The following ASIC2 variants were observed in gnomAD, a reference collection of about 807,000 sequenced individuals.
The protein encoded by ASIC2 is acid sensing ion channel subunit 2.
A neutral mutation model predicts 57.3 loss-of-function variants in ASIC2; 25 were observed. That is an observed-to-expected ratio of 0.44 (90% CI 0.32 to 0.61). The LOEUF is 0.61. ASIC2 is among the 20% of genes least tolerant of loss of function. The probability of loss-of-function intolerance (pLI) is 0.06; values close to 1 mark genes in which losing one functional copy is unlikely to be tolerated. For synonymous variants in ASIC2, 319 were observed against 307.5 expected (o/e 1.04, Z -0.39); for missense variants, 641 against 738.1 (o/e 0.87, Z 1.52).
chr17:33,300,429 A>G (rs1388441077), intron 1 of ASIC2, among the ~76,000 whole-genome samples: 1 of 152,118 alleles, frequency 6.6e-6, no homozygotes. Flanking sequence ...TCCAAAAAGG[A>G]CAGCAGGTCC....
intron 1 of ASIC2, among the ~76,000 whole-genome samples, chr17:33,833,618 G>A (rs1913183565): frequency 6.6e-6 from 1 of 152,024 alleles, no homozygotes; most frequent in Non-Finnish European, 1.5e-5. Context: ...CAAATGTCAC[G>A]GTAATGGTCT....
intron 2 of ASIC2, among the ~76,000 whole-genome samples, chr17:33,103,102 T>C (rs1046426634): frequency 9.2e-5 from 14 of 152,212 alleles, no homozygotes; most frequent in Admixed American, 9.2e-4. Flanking sequence ...AAGTTTAATT[T>C]ATTCTTCTCT....
chr17:33,464,502 T>TTCTCTC (rs1206749400), intron 1 of ASIC2, among the ~76,000 whole-genome samples: 1 of 37,192 alleles, frequency 2.7e-5, no homozygotes, highest in Non-Finnish European at 5.9e-5. Flanking sequence ...CTTTCTTTCT[T>TTCTCTC]TCTTTCTTTC....
chr17:33,535,274 CTTTTT>C (rs1312834562), intron 1 of ASIC2, among the ~76,000 whole-genome samples: 2 of 138,548 alleles, frequency 1.4e-5, no homozygotes, highest in African/African-American at 5.3e-5. Context: ...AATGTCGCTT[CTTTTT>C]TTTTTTTTTT....
chr17:33,369,180 A>T (rs1184433720), intron 1 of ASIC2, among the ~76,000 whole-genome samples: 1 of 152,216 alleles, frequency 6.6e-6, no homozygotes, highest in Non-Finnish European at 1.5e-5. Flanking sequence ...TAGGATTTCC[A>T]GGAGGGTCAC....
chr17:33,953,317 T>C (rs1321062356), intron 1 of ASIC2, among the ~76,000 whole-genome samples: 1 of 152,172 alleles, frequency 6.6e-6, no homozygotes, highest in African/African-American at 2.4e-5. Context: ...AACTTTTACA[T>C]CCAATATCAT....
chr17:33,830,930 G>A (rs1177110553), intron 1 of ASIC2, among the ~76,000 whole-genome samples: 1 of 151,698 alleles, frequency 6.6e-6, no homozygotes, highest in Non-Finnish European at 1.5e-5. Flanking sequence ...GGCCAACATG[G>A]TAAAACCCCA....
At chr17:34,034,242 C>G (rs1439605798) in intron 1 of ASIC2, among the ~76,000 whole-genome samples, 3 of 152,152 alleles carry the variant, frequency 2.0e-5, no homozygotes, top group African/African-American at 7.2e-5. Context: ...AGCATATAAA[C>G]AGAACCAAAG....
At chr17:33,980,569 G>A (rs1337311320) in intron 1 of ASIC2, among the ~76,000 whole-genome samples, 4 of 152,182 alleles carry the variant, frequency 2.6e-5, no homozygotes, top group Non-Finnish European at 1.5e-5. Context: ...GAGGCAACAG[G>A]TTGTGGTGGA....
At chr17:33,998,527 G>C (rs1428597046) in intron 1 of ASIC2, among the ~76,000 whole-genome samples, 1 of 151,990 alleles carries the variant, frequency 6.6e-6, no homozygotes, top group Non-Finnish European at 1.5e-5. Context: ...CCCTCTTAGA[G>C]CAGTGTTTTT....
At chr17:33,149,677 A>G (rs1904706938) in intron 1 of ASIC2, among the ~76,000 whole-genome samples, 1 of 152,216 alleles carries the variant, frequency 6.6e-6, no homozygotes, top group Non-Finnish European at 1.5e-5. Flanking sequence ...TCTCAGCAGC[A>G]TTTGACTTAA....
chr17:33,799,458 CTTTCT>C (rs1912057234), intron 1 of ASIC2, among the ~76,000 whole-genome samples: 5 of 102,762 alleles, frequency 4.9e-5, no homozygotes, highest in Non-Finnish European at 1.1e-4. Context: ...TTCTTTCTTT[CTTTCT>C]TTCTTTCTTT....
At chr17:33,364,077 T>C (rs186757124) in intron 1 of ASIC2, among the ~76,000 whole-genome samples, 38 of 152,170 alleles carry the variant, frequency 2.5e-4, no homozygotes, top group African/African-American at 9.2e-4. Context: ...CTCAGGGAGG[T>C]ACAGTGACGT....
At chr17:33,769,339 C>G (rs555515751) in intron 1 of ASIC2, among the ~76,000 whole-genome samples, 1 of 152,298 alleles carries the variant, frequency 6.6e-6, no homozygotes, top group East Asian at 1.9e-4. Flanking sequence ...GGAGCTTGCT[C>G]CTGTGTCAGC....
chr17:33,747,302 C>A (rs933275521), intron 1 of ASIC2, among the ~76,000 whole-genome samples: 1 of 146,304 alleles, frequency 6.8e-6, no homozygotes, highest in African/African-American at 2.6e-5. Context: ...CGGCTCATTG[C>A]AGCTTTGACC....
intron 1 of ASIC2, among the ~76,000 whole-genome samples, chr17:33,125,722 T>C (rs2092320475): frequency 6.6e-6 from 1 of 152,226 alleles, no homozygotes; most frequent in African/African-American, 2.4e-5. Context: ...ATGCAACTCT[T>C]CAGCGTAATT....
chr17:33,363,243 G>C (rs1908679840), intron 1 of ASIC2, among the ~76,000 whole-genome samples: 1 of 152,154 alleles, frequency 6.6e-6, no homozygotes. Context: ...CACAGAACCA[G>C]GGGCAGGGGG....
chr17:33,103,670 G>C (rs1319317691), intron 2 of ASIC2, among the ~76,000 whole-genome samples: 1 of 152,058 alleles, frequency 6.6e-6, no homozygotes, highest in Non-Finnish European at 1.5e-5. Flanking sequence ...CTTTTATCTT[G>C]AGCTTGTAGT....
chr17:33,561,674 A>C (rs1335480884), intron 1 of ASIC2, among the ~76,000 whole-genome samples: 1 of 152,202 alleles, frequency 6.6e-6, no homozygotes, highest in Non-Finnish European at 1.5e-5. Flanking sequence ...GTGAGCTAGA[A>C]CATATGCTGG....
Sources: gnomAD v4.1 joint callset for allele counts (sites outside exome capture counted in the v4.1 genomes callset) on GRCh38, gnomAD v4.1.1 for gene constraint, MANE v1.5 for transcripts, NCBI Gene and HGNC (gene_info 2026-07-23, HGNC 2026-07-21) for gene names.